The following LSM5 variants were observed in gnomAD, a reference collection of about 807,000 sequenced individuals.
LSM5 encodes the protein U6 snRNA-associated Sm-like protein LSm5.
Under a neutral mutation model 13.8 loss-of-function variants are expected in LSM5, and 8 were observed. The ratio of observed to expected loss-of-function variants is 0.58; its 90% CI spans 0.34 to 1.04. The LOEUF (loss-of-function observed/expected upper bound fraction) is 1.04, where lower values mean the gene tolerates loss of function less well. LSM5 is among the 50% of genes least tolerant of loss of function. LSM5 has a pLI of 0.03. For missense variants in LSM5, 80 were observed against 108.1 expected (o/e 0.74, Z 1.15); for synonymous variants, 35 against 37.0 (o/e 0.95, Z 0.20).
In LSM5 at chr7:32,486,745, T is replaced by C. The variant is rs945542433; in HGVS notation, c.*516A>G. The C allele has an allele frequency of 6.0e-6, 1 of 167,252 alleles. No homozygotes were observed. The highest frequency in any genetic ancestry group is 2.4e-5 in the African/African-American group (1 of 41,518). 10.4% of individuals were successfully genotyped at this position (167,252 alleles called of 1,614,324 possible). A position where few individuals can be genotyped will look rare whatever the true frequency, so the allele number is the denominator to read the frequency against. On this transcript the variant is annotated 3_prime_UTR_variant, in exon 5 of 5. Transcript: ENST00000450169. ...ATTTCTACAATGTGCATATATTACCTGTACATTGTTTGTTTTCAATAGGAG... is the reference window on the plus strand; with the variant it reads ...ATTTCTACAATGTGCATATATTACCCGTACATTGTTTGTTTTCAATAGGAG...
intron 3 of LSM5, 35 bp from the exon 4 acceptor site, chr7:32,487,792 A>G: frequency 8.9e-7 from 1 of 1,124,700 alleles, no homozygotes; most frequent in Non-Finnish European, 1.4e-6. Flanking sequence ...CAGGACAAAC[A>G]GTGAAAATCA....
intron 3 of LSM5, chr7:32,488,029 G>T: frequency 3.0e-6 from 1 of 335,650 alleles, no homozygotes; most frequent in Non-Finnish European, 5.3e-6. Context: ...AATCAAATAT[G>T]AAATGAAATG....
At position 32,485,376 on chromosome 7, in the gene LSM5, A is replaced by G. The variant is rs1042875966; in HGVS notation, c.*1885T>C. On this transcript the variant is annotated 3_prime_UTR_variant, in exon 5 of 5. Coordinates refer to ENST00000450169, the MANE Select transcript of LSM5 (RefSeq NM_012322.3). ...GTATAATCAAAGCAAAGGTTTTCCA[A>G]TCCACGTGGACCAAATACAAAAACC... 1 of 152,228 alleles carries G rather than the reference A, an allele frequency of 6.6e-6. No homozygotes were observed. Among genetic ancestry groups the G allele is most frequent in the African/African-American group, 2.4e-5 (1 of 41,468 alleles). The allele number at this position is 152,228 out of a possible 1,614,324, so 9.4% of individuals were successfully genotyped here. A position where few individuals can be genotyped will look rare whatever the true frequency, so the allele number is the denominator to read the frequency against.
chr7:32,494,592 G>T (rs1786690438), upstream of LSM5, among the ~76,000 whole-genome samples: 1 of 152,166 alleles, frequency 6.6e-6, no homozygotes, highest in Non-Finnish European at 1.5e-5. Flanking sequence ...TAGGTTATTT[G>T]AAAACTGTCC....
At chr7:32,489,425 T>C (rs1181136499) in intron 1 of LSM5, 81 bp from the exon 2 acceptor site, 3 of 770,516 alleles carry the variant, frequency 3.9e-6, no homozygotes, top group Middle Eastern at 3.2e-4. Flanking sequence ...TACTTGCATA[T>C]AGTGAAAGAA....
At position 32,487,186 on chromosome 7, in the gene LSM5, A is replaced by G; in HGVS notation, c.*75T>C. 1 of 1,334,854 alleles carries G rather than the reference A, an allele frequency of 7.5e-7. No homozygotes were observed. Among genetic ancestry groups the G allele is most frequent in the Non-Finnish European group, 1.1e-6 (1 of 931,574 alleles). The allele number at this position is 1,334,854 out of a possible 1,614,324, so 82.7% of individuals were successfully genotyped here. On this transcript the variant is annotated 3_prime_UTR_variant, in exon 5 of 5. Transcript: ENST00000450169. Reference sequence around the variant, plus strand: ...TAGCTTTATGGGATTTAAACATTAGAAAGTGGGAAAAAAAATTCCATTTTC... The same window carrying G: ...TAGCTTTATGGGATTTAAACATTAGGAAGTGGGAAAAAAAATTCCATTTTC...
At chr7:32,489,481 A>C (rs1426851264) in intron 1 of LSM5, 137 bp from the exon 2 acceptor site, 1 of 621,450 alleles carries the variant, frequency 1.6e-6, no homozygotes, top group African/African-American at 1.9e-5. Flanking sequence ...CTTATAATAC[A>C]AATCTCAGTT....
chr7:32,490,112 G>T lies in LSM5; in HGVS notation c.46+208C>A, dbSNP rs145242916. On this transcript the variant is annotated intron_variant, in intron 1 of 4. Transcript: ENST00000450169. The stretch of plus-strand genomic sequence containing the variant: ...ACCTTTTCCAGTGAAGGTCTGGTTT[G>T]AGAAGTCAAAGTCCTTGCCTGGAGG... 5.0e-5 allele frequency: 77 copies of T among 1,528,278 alleles called. No homozygotes were observed. The East Asian group carries it at 1.2e-3, about 24-fold the overall frequency. The allele number at this position is 1,528,278 out of a possible 1,614,324, so 94.7% of individuals were successfully genotyped here. A position where few individuals can be genotyped will look rare whatever the true frequency, so the allele number is the denominator to read the frequency against.
upstream of LSM5, among the ~76,000 whole-genome samples, chr7:32,493,339 A>T (rs1225082683): frequency 6.6e-6 from 1 of 152,058 alleles, no homozygotes; most frequent in African/African-American, 2.4e-5. Context: ...GTTGGTCTCG[A>T]ACTCTTGGAC....
At chr7:32,490,449 G>A, upstream of LSM5, 1 of 1,183,958 alleles carries the variant, frequency 8.4e-7, no homozygotes, top group African/African-American at 1.5e-5. Flanking sequence ...GCCCAAACAG[G>A]CTCGACCAAT....
At chr7:32,493,204 G>A (rs1221893760), upstream of LSM5, among the ~76,000 whole-genome samples, 2 of 152,210 alleles carry the variant, frequency 1.3e-5, no homozygotes, top group Non-Finnish European at 1.5e-5. Flanking sequence ...TGGTGTGCTC[G>A]CGGACTCAAG....
At chr7:32,493,328 G>C (rs12674121), upstream of LSM5, among the ~76,000 whole-genome samples, 1 of 152,026 alleles carries the variant, frequency 6.6e-6, no homozygotes, top group South Asian at 2.1e-4. Context: ...ACATTGCTCA[G>C]GTTGGTCTCG....
chr7:32,491,619 A>C (rs6950898), upstream of LSM5, among the ~76,000 whole-genome samples: 117,114 of 152,080 alleles, frequency 0.77, 45,643 homozygotes, highest in East Asian at 0.83. Flanking sequence ...ACAATGGGCA[A>C]GTTATTTTAA....
At position 32,486,880 on chromosome 7, in the gene LSM5, A is replaced by G; in HGVS notation, c.*381T>C. On this transcript the variant is annotated 3_prime_UTR_variant, in exon 5 of 5. Transcript: ENST00000450169. ...TGTTTAAATGCACCTGTTCAAATCA[A>G]AGTTCATCATTTTGTTTGGAACAAC... 4.5e-6 allele frequency: 1 copy of G among 222,082 alleles called. No individual in the cohort carries two copies. Among genetic ancestry groups the G allele is most frequent in the South Asian group, 7.1e-5 (1 of 14,124 alleles). The allele number at this position is 222,082 out of a possible 1,614,324, so 13.8% of individuals were successfully genotyped here. A position where few individuals can be genotyped will look rare whatever the true frequency, so the allele number is the denominator to read the frequency against.
upstream of LSM5, among the ~76,000 whole-genome samples, chr7:32,493,742 T>A (rs1429079913): frequency 6.6e-6 from 1 of 150,940 alleles, no homozygotes; most frequent in African/African-American, 2.4e-5. Context: ...GGTTTCACCA[T>A]GTTGCCCAGG....
upstream of LSM5, among the ~76,000 whole-genome samples, chr7:32,493,982 G>A (rs958319740): frequency 6.6e-6 from 1 of 151,934 alleles, no homozygotes; most frequent in Non-Finnish European, 1.5e-5. Flanking sequence ...CGTCCGAGTA[G>A]CTGGGATTAC....
At chr7:32,492,619 C>T (rs1348297119), upstream of LSM5, among the ~76,000 whole-genome samples, 6 of 151,994 alleles carry the variant, frequency 3.9e-5, no homozygotes, top group Admixed American at 6.6e-5. Context: ...AAAAAAGGAA[C>T]GATATATAGT....
intron 3 of LSM5, chr7:32,488,410 T>G: frequency 2.1e-6 from 1 of 481,070 alleles, no homozygotes; most frequent in Non-Finnish European, 3.7e-6. Flanking sequence ...TCTTCTACCT[T>G]AAAACTGTGT....
chr7:32,491,704 A>G (rs1490931300), upstream of LSM5, among the ~76,000 whole-genome samples: 4 of 152,208 alleles, frequency 2.6e-5, no homozygotes, highest in Non-Finnish European at 2.9e-5. Flanking sequence ...TGTGAAGATT[A>G]ATTGAGATAA....
Sources: allele counts gnomAD v4.1 joint callset (sites outside exome capture counted in the v4.1 genomes callset), GRCh38; gene constraint gnomAD v4.1.1; transcripts MANE v1.5; gene names NCBI Gene and HGNC (gene_info 2026-07-23, HGNC 2026-07-21).